Variants in RARB observed in about 807,000 individuals in gnomAD.
RARB encodes HBV-activated protein.
A neutral mutation model predicts 51.9 loss-of-function variants in RARB; 17 were observed. The observed-to-expected ratio is 0.33, with a 90% CI of 0.22 to 0.49. The LOEUF is 0.49. Among genes scored for constraint, RARB ranks in the 20% least tolerant of loss-of-function variants. The pLI, the probability that RARB is intolerant of heterozygous loss-of-function variation, is 0.99. For missense variants in RARB, 369 were observed against 550.8 expected, an observed-to-expected ratio of 0.67 and a Z score of 3.30; for synonymous variants, 215 against 195.4, an observed-to-expected ratio of 1.10 and a Z score of -0.84.
chr3:25,476,085 C>G (rs2125575460), intron 2 of RARB, among the ~76,000 whole-genome samples: 1 of 152,288 alleles, frequency 6.6e-6, no homozygotes. Context: ...GAATTGCCCA[C>G]TTGCACTGGT....
At chr3:25,569,229 G>GGGACAA (rs1458702913) in intron 3 of RARB, among the ~76,000 whole-genome samples, 9 of 152,162 alleles carry the variant, frequency 5.9e-5, no homozygotes, top group African/African-American at 2.2e-4. Flanking sequence ...AAAACACGAA[G>GGGACAA]GGACAAAAAC....
intron 2 of RARB, among the ~76,000 whole-genome samples, chr3:24,969,783 G>C (rs983801852): frequency 6.6e-6 from 1 of 152,106 alleles, no homozygotes; most frequent in Non-Finnish European, 1.5e-5. Flanking sequence ...AGGAGATGTG[G>C]AGAAGATGTT....
At chr3:25,418,499 C>T (rs368573371) in intron 5 of RARB, among the ~76,000 whole-genome samples, 94 of 152,082 alleles carry the variant, frequency 6.2e-4, no homozygotes, top group African/African-American at 1.9e-3. Flanking sequence ...TTACCTAACC[C>T]GACCCAGCAG....
chr3:24,868,219 T>G (rs1702885714), intron 2 of RARB, among the ~76,000 whole-genome samples: 2 of 152,302 alleles, frequency 1.3e-5, no homozygotes, highest in South Asian at 4.1e-4. Context: ...TCTGTCCAGA[T>G]GCTATTGTCT....
At chr3:25,145,998 C>G (rs1339199906) in intron 4 of RARB, among the ~76,000 whole-genome samples, 1 of 138,538 alleles carries the variant, frequency 7.2e-6, no homozygotes, top group African/African-American at 2.7e-5. Flanking sequence ...AGTAAAACTT[C>G]ATCTAAAAAA....
chr3:25,165,733 C>T (rs1259628583), intron 4 of RARB, among the ~76,000 whole-genome samples: 1 of 152,150 alleles, frequency 6.6e-6, no homozygotes, highest in East Asian at 1.9e-4. Context: ...CTGACTTCAG[C>T]ATGTGTGTGC....
rs143956002 is a variant in RARB, at chr3:25,158,718, T to C, written c.-279-15401T>C. Among the ~76,000 whole-genome samples the C allele has an allele frequency of 1.5e-4, 23 of 152,332 alleles. 1 individual carries two copies. In the East Asian group the frequency reaches 3.3e-3, roughly 22 times the overall value. ...TCCAGTTATAACATAGATCTGCACA[T>C]TTCAGCAACTAAATACAATAAAGAT... On this transcript the variant is annotated intron_variant, in intron 4 of 11. Coordinates refer to the RARB transcript ENST00000383772.
chr3:24,848,209 G>A (rs979247534), intron 1 of RARB, among the ~76,000 whole-genome samples: 8 of 152,082 alleles, frequency 5.3e-5, no homozygotes, highest in African/African-American at 1.7e-4. Flanking sequence ...ACAGGCAAGC[G>A]CCACCTTGCG....
chr3:25,300,491 C>G (rs570188479), intron 5 of RARB, among the ~76,000 whole-genome samples: 14 of 152,292 alleles, frequency 9.2e-5, no homozygotes, highest in African/African-American at 3.1e-4. Context: ...TGAAGAGGCA[C>G]AGGGACAGGG....
chr3:25,098,272 A>C (rs1429197597), intron 3 of RARB, among the ~76,000 whole-genome samples: 1 of 152,168 alleles, frequency 6.6e-6, no homozygotes, highest in African/African-American at 2.4e-5. Flanking sequence ...CTTTCAGCCT[A>C]CCTTCCAGAA....
At chr3:24,880,078 A>G (rs1010126171) in intron 2 of RARB, among the ~76,000 whole-genome samples, 1 of 151,562 alleles carries the variant, frequency 6.6e-6, no homozygotes, top group Non-Finnish European at 1.5e-5. Context: ...TTTTTCCTCT[A>G]TTTTTTGCTT....
chr3:25,152,181 G>GA (rs1700297948), intron 4 of RARB, among the ~76,000 whole-genome samples: 1 of 152,206 alleles, frequency 6.6e-6, no homozygotes, highest in African/African-American at 2.4e-5. Flanking sequence ...TTTATAAAGT[G>GA]AAATAGTTTA....
chr3:25,017,789 T>A (rs1697548146), intron 2 of RARB, among the ~76,000 whole-genome samples: 1 of 152,212 alleles, frequency 6.6e-6, no homozygotes, highest in Non-Finnish European at 1.5e-5. Context: ...TCCTTAATGC[T>A]ATGGTCTGAA....
chr3:25,568,397 A>C (rs1451172103), intron 3 of RARB, among the ~76,000 whole-genome samples: 2 of 152,196 alleles, frequency 1.3e-5, no homozygotes, highest in African/African-American at 4.8e-5. Flanking sequence ...TACCATGTTC[A>C]AGGGACTCAA....
intron 3 of RARB, among the ~76,000 whole-genome samples, chr3:25,539,284 G>C (rs996316872): frequency 6.6e-6 from 1 of 152,150 alleles, no homozygotes; most frequent in African/African-American, 2.4e-5. Flanking sequence ...TTCTATTTGA[G>C]CGAAGCAGGG....
chr3:25,170,455 C>A (rs2125351166), intron 4 of RARB, among the ~76,000 whole-genome samples: 1 of 152,146 alleles, frequency 6.6e-6, no homozygotes, highest in East Asian at 1.9e-4. Context: ...TCCGGTGGGG[C>A]CTGGAGAATT....
intron 4 of RARB, among the ~76,000 whole-genome samples, chr3:25,576,401 G>C (rs144865773): frequency 1.8e-3 from 273 of 152,266 alleles, no homozygotes; most frequent in Non-Finnish European, 3.2e-3. Context: ...CCAGCAGCTG[G>C]GACCACTCCA....
intron 2 of RARB, among the ~76,000 whole-genome samples, chr3:25,475,469 T>C (rs551259729): frequency 1.2e-3 from 180 of 152,290 alleles, no homozygotes; most frequent in African/African-American, 4.0e-3. Flanking sequence ...TATTAAGTAA[T>C]TAGTATTTTA....
intron 2 of RARB, among the ~76,000 whole-genome samples, chr3:24,894,931 A>T (rs548262185): frequency 3.9e-5 from 6 of 152,210 alleles, no homozygotes; most frequent in Non-Finnish European, 8.8e-5. Flanking sequence ...AGTTTTGTCA[A>T]AAGAAGTAAT....
Sources: allele counts gnomAD v4.1 joint callset (sites outside exome capture counted in the v4.1 genomes callset), GRCh38; gene constraint gnomAD v4.1.1; transcripts MANE v1.5; gene names NCBI Gene and HGNC (gene_info 2026-07-23, HGNC 2026-07-21).